TENM3: variants seen among roughly 807,000 people sequenced by gnomAD.
The protein encoded by TENM3 is teneurin-3.
Under a neutral mutation model 255.1 loss-of-function variants are expected in TENM3, and 63 were observed. The observed-to-expected ratio is 0.25, with a 90% CI of 0.20 to 0.30. TENM3 has a LOEUF of 0.30. Among genes scored for constraint, TENM3 ranks in the 10% least tolerant of loss-of-function variants. The probability of loss-of-function intolerance (pLI) is 1.00; values close to 1 mark genes in which losing one functional copy is unlikely to be tolerated. For synonymous variants in TENM3, 1,306 were observed against 1,322.3 expected (o/e 0.99, Z 0.27); for missense variants, 2,929 against 3,461.1 (o/e 0.85, Z 3.86).
chr4:181,575,959 G>A, the TENM3 span, among the ~76,000 whole-genome samples: 5 of 147,260 alleles, frequency 3.4e-5, no homozygotes, highest in South Asian at 2.1e-4. Context: ...TGCTTTGTTA[G>A]GTTTTTTGTA....
At chr4:182,070,251 T>G in the TENM3 span, among the ~76,000 whole-genome samples, 108,366 of 152,054 alleles carry the variant, frequency 0.71, 39,352 homozygotes, top group East Asian at 0.87. Context: ...AAAAAGCATC[T>G]TACTTATTTT....
chr4:182,752,942 A>ATTTT (rs750171665), intron 20 of TENM3, among the ~76,000 whole-genome samples: 65 of 121,710 alleles, frequency 5.3e-4, no homozygotes, highest in Non-Finnish European at 7.8e-4. Flanking sequence ...TCCTTACTGA[A>ATTTT]TTTTTTTTTT....
At chr4:182,503,216 C>G (rs1434285795) in intron 3 of TENM3, among the ~76,000 whole-genome samples, 2 of 152,034 alleles carry the variant, frequency 1.3e-5, no homozygotes, top group Admixed American at 6.6e-5. Context: ...ATACATGTGG[C>G]TGCTGGAATT....
chr4:182,120,091 GCGCGCACA>G, the TENM3 span, among the ~76,000 whole-genome samples: 13,337 of 58,348 alleles, frequency 0.23, 654 homozygotes, highest in East Asian at 0.44. Context: ...ATGCGTGCGT[GCGCGCACA>G]CACACACACA....
At chr4:181,888,824 C>T in the TENM3 span, among the ~76,000 whole-genome samples, 7 of 151,434 alleles carry the variant, frequency 4.6e-5, no homozygotes, top group Admixed American at 2.0e-4. Flanking sequence ...GGAGTGCCAA[C>T]GTCCAAGGGC....
chr4:182,616,037 A>G (rs961066764), intron 4 of TENM3, among the ~76,000 whole-genome samples: 29 of 152,194 alleles, frequency 1.9e-4, no homozygotes, highest in Non-Finnish European at 7.4e-5. Flanking sequence ...CCCCAGACCT[A>G]CTGTTGTAAC....
the TENM3 span, among the ~76,000 whole-genome samples, chr4:181,759,172 T>C: frequency 1.3e-5 from 2 of 152,002 alleles, no homozygotes; most frequent in Non-Finnish European, 2.9e-5. Context: ...TAAAAGAAAC[T>C]TGATGAACTC....
chr4:182,083,430 A>G, the TENM3 span, among the ~76,000 whole-genome samples: 2 of 152,220 alleles, frequency 1.3e-5, no homozygotes, highest in Admixed American at 1.3e-4. Flanking sequence ...AACTCTGTAC[A>G]TGGAAAAAAT....
At chr4:181,666,264 G>A in the TENM3 span, among the ~76,000 whole-genome samples, 6 of 152,096 alleles carry the variant, frequency 3.9e-5, no homozygotes, top group East Asian at 3.9e-4. Context: ...TATTTATTTC[G>A]GATAGATTTT....
At chr4:181,844,251 G>C in the TENM3 span, among the ~76,000 whole-genome samples, 3 of 152,176 alleles carry the variant, frequency 2.0e-5, no homozygotes, top group Admixed American at 6.5e-5. Flanking sequence ...AGTTTTCAGC[G>C]TATGAACTTT....
intron 3 of TENM3, among the ~76,000 whole-genome samples, chr4:182,484,080 C>T (rs1734462642): frequency 6.6e-6 from 1 of 152,136 alleles, no homozygotes; most frequent in Non-Finnish European, 1.5e-5. Flanking sequence ...CAAGTTATTT[C>T]TAGCATTTAT....
intron 18 of TENM3, 101 bp downstream of exon 18, chr4:182,738,645 C>T: frequency 1.1e-6 from 1 of 932,326 alleles, no homozygotes; most frequent in Non-Finnish European, 1.5e-6. Flanking sequence ...ACATTTTATG[C>T]TATCCATGCT....
intron 3 of TENM3, among the ~76,000 whole-genome samples, chr4:182,533,899 A>C (rs575834364): frequency 6.6e-6 from 1 of 151,324 alleles, no homozygotes; most frequent in Non-Finnish European, 1.5e-5. Context: ...ACAGAGCAAG[A>C]CTCCATCTCC....
Position 182,775,115 on chromosome 4 carries a change from G to T in TENM3, c.5266G>T (p.Ala1756Ser). 2 of 1,614,006 alleles carry T rather than the reference G, an allele frequency of 1.2e-6. No homozygotes were observed. The highest frequency in any genetic ancestry group is 1.7e-6 in the Non-Finnish European group (2 of 1,179,894). The change falls in exon 24 of 28, where the codon GCC becomes TCC. Residue 1756 changes from alanine (A) to serine (S), a missense_variant. Physicochemically the swap from Ala to Ser is moderately conservative, Grantham distance 99. Around this residue, in one of 6 missense-constraint regions of TENM3, gnomAD observed 303 missense variants for 425.2 expected, o/e 0.71. Transcript: ENST00000511685. Reference sequence around the variant, plus strand: ...GGAATGGAGATTCCGAAAAGAGCAAGCCCAAGGGAAAGTCAATGTCTTTGG... The same window carrying T: ...GGAATGGAGATTCCGAAAAGAGCAATCCCAAGGGAAAGTCAATGTCTTTGG... ...LVEWRFRKEQ[A>S]QGKVNVFGRK...
the TENM3 span, among the ~76,000 whole-genome samples, chr4:182,114,466 T>C: frequency 9.0e-5 from 12 of 133,704 alleles, no homozygotes; most frequent in African/African-American, 4.5e-4. Context: ...AGGGAACTTC[T>C]TTTTTTCTTT....
At chr4:182,752,796 G>A (rs899228482) in intron 20 of TENM3, among the ~76,000 whole-genome samples, 1 of 152,030 alleles carries the variant, frequency 6.6e-6, no homozygotes, top group Non-Finnish European at 1.5e-5. Context: ...TAAGGGAGCT[G>A]GAATGGAATT....
the TENM3 span, among the ~76,000 whole-genome samples, chr4:181,987,826 C>G: frequency 6.6e-6 from 1 of 151,746 alleles, no homozygotes; most frequent in Non-Finnish European, 1.5e-5. Context: ...AATATTCGAG[C>G]AAATGTAATA....
Position 182,504,591 on chromosome 4 carries a change from C to T in TENM3, c.512-96333C>T, listed in dbSNP as rs572031356. Reference sequence around the variant, plus strand: ...AAAAAGTAACATAATAGTCAACCTACTTGAAAGCGAATTAGTTCTTATTCG... The same window carrying T: ...AAAAAGTAACATAATAGTCAACCTATTTGAAAGCGAATTAGTTCTTATTCG... On this transcript the variant is annotated intron_variant, in intron 3 of 27. Coordinates refer to ENST00000511685, the MANE Select transcript of TENM3 (RefSeq NM_001080477.4). Among the ~76,000 whole-genome samples, 4 of 152,328 alleles carry T rather than the reference C, an allele frequency of 2.6e-5. No individual in the cohort carries two copies. In the South Asian group the frequency reaches 8.3e-4, roughly 32 times the overall value.
At chr4:182,372,563 G>A (rs1479444001) in intron 3 of TENM3, among the ~76,000 whole-genome samples, 2 of 151,828 alleles carry the variant, frequency 1.3e-5, no homozygotes, top group East Asian at 1.9e-4. Flanking sequence ...GCATCTTAGC[G>A]GAGCTCAAGT....
Sources: allele counts gnomAD v4.1 joint callset (sites outside exome capture counted in the v4.1 genomes callset), GRCh38; gene constraint gnomAD v4.1.1; regional missense constraint gnomAD v4.1.1; transcripts MANE v1.5; gene names NCBI Gene and HGNC (gene_info 2026-07-23, HGNC 2026-07-21).